Variants in YWHAE observed in about 807,000 individuals in gnomAD.
YWHAE encodes the protein tyrosine 3-monooxygenase/tryptophan 5-monooxygenase activation protein epsilon.
Under a neutral mutation model 30.1 loss-of-function variants are expected in YWHAE, and 4 were observed. The ratio of observed to expected loss-of-function variants is 0.13; its 90% CI spans 0.07 to 0.30. The LOEUF (loss-of-function observed/expected upper bound fraction) is 0.30, where lower values mean the gene tolerates loss of function less well. Among genes scored for constraint, YWHAE ranks in the 10% least tolerant of loss-of-function variants. The pLI, the probability that YWHAE is intolerant of heterozygous loss-of-function variation, is 1.00. For synonymous variants in YWHAE, 118 were observed against 111.8 expected, an observed-to-expected ratio of 1.06 and a Z score of -0.35; for missense variants, 121 against 315.9, an observed-to-expected ratio of 0.38 and a Z score of 4.68.
intron 1 of YWHAE, among the ~76,000 whole-genome samples, chr17:1,384,464 G>GTT (rs2073268569): frequency 6.6e-6 from 1 of 151,428 alleles, no homozygotes; most frequent in Non-Finnish European, 1.5e-5. Context: ...GGCCAAGGCG[G>GTT]GCAGATCACA....
chr17:1,377,155 C>A (rs9916716), intron 1 of YWHAE, among the ~76,000 whole-genome samples: 1 of 151,828 alleles, frequency 6.6e-6, no homozygotes, highest in African/African-American at 2.4e-5. Flanking sequence ...CTCAGGTGAT[C>A]CACCTGCCTC....
chr17:1,371,260 T>C (rs2073038672), intron 1 of YWHAE, among the ~76,000 whole-genome samples: 1 of 152,130 alleles, frequency 6.6e-6, no homozygotes, highest in South Asian at 2.1e-4. Flanking sequence ...TTTTTATTAT[T>C]TTTTTGTAAA....
At chr17:1,389,536 T>C (rs1368391136) in intron 1 of YWHAE, among the ~76,000 whole-genome samples, 1 of 150,438 alleles carries the variant, frequency 6.6e-6, no homozygotes, top group African/African-American at 2.4e-5. Flanking sequence ...TTTCTTTCTT[T>C]TTTTTTTTTT....
chr17:1,357,642 T>A (rs1056049850), intron 4 of YWHAE, among the ~76,000 whole-genome samples: 1 of 151,518 alleles, frequency 6.6e-6, no homozygotes, highest in Non-Finnish European at 1.5e-5. Flanking sequence ...AAATTTAAAA[T>A]AGGCTGGGTG....
At chr17:1,397,632 T>C (rs2073494502) in intron 1 of YWHAE, among the ~76,000 whole-genome samples, 1 of 152,114 alleles carries the variant, frequency 6.6e-6, no homozygotes, top group East Asian at 1.9e-4. Context: ...ATCCTGCCAA[T>C]ACACTGTCTT....
chr17:1,388,101 G>GT (rs1291752445), intron 1 of YWHAE, among the ~76,000 whole-genome samples: 10 of 62,386 alleles, frequency 1.6e-4, no homozygotes, highest in Non-Finnish European at 1.9e-4. Context: ...GGTAATTTTT[G>GT]TTTTTTTTTT....
intron 1 of YWHAE, among the ~76,000 whole-genome samples, chr17:1,370,017 G>A (rs1039167553): frequency 1.8e-4 from 27 of 152,078 alleles, no homozygotes; most frequent in African/African-American, 5.8e-4. Context: ...TGGAGTGGCC[G>A]TGGCAAGACA....
At chr17:1,388,101 GTTTTTTTTTTTGGTTGGTTT>G (rs1281387531) in intron 1 of YWHAE, among the ~76,000 whole-genome samples, 1,303 of 62,230 alleles carry the variant, frequency 0.021, 73 homozygotes, top group South Asian at 0.055. Flanking sequence ...GGTAATTTTT[GTTTTTTTTTTTGGTTGGTTT>G]TTTTTTTTTT....
intron 4 of YWHAE, among the ~76,000 whole-genome samples, chr17:1,355,114 TTTAAAA>T (rs2072712497): frequency 5.6e-4 from 1 of 1,796 alleles, no homozygotes; most frequent in African/African-American, 1.2e-3. Context: ...CCCAAGATTT[TTTAAAA>T]AAAAAAAAAA....
intron 5 of YWHAE, among the ~76,000 whole-genome samples, chr17:1,352,716 G>A (rs113574826): frequency 0.02 from 3,098 of 152,128 alleles, 109 homozygotes; most frequent in African/African-American, 0.07. Context: ...TAGTAGGGAC[G>A]GGGTTTCCCC....
intron 5 of YWHAE, among the ~76,000 whole-genome samples, chr17:1,347,288 C>T (rs2072539583): frequency 6.6e-6 from 1 of 150,996 alleles, no homozygotes; most frequent in African/African-American, 2.4e-5. Flanking sequence ...AGCCAAGATT[C>T]TGCCGCTGCA....
chr17:1,370,143 TTTGA>T (rs2073009199), intron 1 of YWHAE, among the ~76,000 whole-genome samples: 1 of 137,706 alleles, frequency 7.3e-6, no homozygotes, highest in African/African-American at 2.7e-5. Flanking sequence ...TTTTTTTTTT[TTTGA>T]GACGGAGTCT....
chr17:1,363,784 C>T (rs1231740630), intron 2 of YWHAE, among the ~76,000 whole-genome samples: 1 of 152,046 alleles, frequency 6.6e-6, no homozygotes. Context: ...CTTCCCTCCC[C>T]CAACCAACCT....
At chr17:1,369,662 C>G (rs764094703) in intron 1 of YWHAE, 1 of 152,026 alleles carries the variant, frequency 6.6e-6, no homozygotes, top group African/African-American at 2.4e-5. Flanking sequence ...ATCTATTTTC[C>G]GCCTCTACAC....
In YWHAE at chr17:1,358,490, C is replaced by T. The variant is rs919596090; in HGVS notation, c.578+2602G>A. Among the ~76,000 whole-genome samples, 6 of 151,798 alleles carry T rather than the reference C, an allele frequency of 4.0e-5. No individual in the cohort carries two copies. The East Asian group carries it at 8.0e-4, about 20-fold the overall frequency. ...TCCTGACCTCGTGATCTGCCCTCCT[C>T]GGCCTCCCAAAGTGCTGGGATTACA... On this transcript the variant is annotated intron_variant, in intron 4 of 5. Transcript: ENST00000264335.
chr17:1,399,275 A>T (rs1386760549), intron 1 of YWHAE: 1 of 152,164 alleles, frequency 6.6e-6, no homozygotes, highest in African/African-American at 2.4e-5. Context: ...GTCTGAGGAA[A>T]GGGAGGGAGT....
intron 2 of YWHAE, among the ~76,000 whole-genome samples, chr17:1,362,592 G>C (rs1466140019): frequency 2.0e-5 from 3 of 151,908 alleles, no homozygotes; most frequent in African/African-American, 7.3e-5. Flanking sequence ...ATCTACCAAA[G>C]TAGCTACTGC....
chr17:1,387,015 A>G (rs1249575815), intron 1 of YWHAE, among the ~76,000 whole-genome samples: 1 of 151,898 alleles, frequency 6.6e-6, no homozygotes, highest in Admixed American at 6.6e-5. Context: ...AAACTTTAAG[A>G]CTCCTTTCCA....
intron 1 of YWHAE, among the ~76,000 whole-genome samples, chr17:1,372,058 T>G (rs986148516): frequency 2.0e-5 from 3 of 152,088 alleles, no homozygotes; most frequent in Non-Finnish European, 4.4e-5. Context: ...CAGGCTGGTC[T>G]CAAACTCCTG....
Sources: gnomAD v4.1 joint callset for allele counts (sites outside exome capture counted in the v4.1 genomes callset) on GRCh38, gnomAD v4.1.1 for gene constraint, MANE v1.5 for transcripts, NCBI Gene and HGNC (gene_info 2026-07-23, HGNC 2026-07-21) for gene names.